Variants in ADGRG7 observed in about 807,000 individuals in gnomAD.
ADGRG7 encodes the protein adhesion G protein-coupled receptor G7, also known as G-protein coupled receptor 128.
In ADGRG7, 82 loss-of-function variants were observed where a neutral mutation model predicts 88.6. The observed-to-expected ratio is 0.93, with a 90% CI of 0.77 to 1.11. The LOEUF is 1.11. Ranked by LOEUF, ADGRG7 falls within the 50% of genes most tolerant of loss-of-function variation. The probability of loss-of-function intolerance (pLI) is 0.00; values close to 1 mark genes in which losing one functional copy is unlikely to be tolerated. For synonymous variants in ADGRG7, 381 were observed against 345.2 expected, an observed-to-expected ratio of 1.10 and a Z score of -1.15; for missense variants, 945 against 953.4, an observed-to-expected ratio of 0.99 and a Z score of 0.12.
At chr3:100,639,547 G>A (rs896809560) in intron 6 of ADGRG7, among the ~76,000 whole-genome samples, 1 of 152,194 alleles carries the variant, frequency 6.6e-6, no homozygotes, top group Admixed American at 6.5e-5. Context: ...GAATGTGGAT[G>A]TCTCTCATTT....
At chr3:100,632,055 T>C (rs1452412122) in intron 3 of ADGRG7, among the ~76,000 whole-genome samples, 2 of 152,138 alleles carry the variant, frequency 1.3e-5, no homozygotes, top group Admixed American at 6.6e-5. Context: ...TATTGGTAAC[T>C]ATTGTCTTGA....
chr3:100,677,193 C>A (rs960012976), intron 15 of ADGRG7, among the ~76,000 whole-genome samples: 2 of 152,006 alleles, frequency 1.3e-5, no homozygotes, highest in Admixed American at 6.6e-5. Flanking sequence ...ATGATTTTCT[C>A]TGGTGACATG....
At chr3:100,676,907 G>A (rs1474162746) in intron 15 of ADGRG7, among the ~76,000 whole-genome samples, 2 of 151,620 alleles carry the variant, frequency 1.3e-5, no homozygotes, top group African/African-American at 4.8e-5. Flanking sequence ...TTTTTTCTAA[G>A]TAGAGCTACT....
intron 1 of ADGRG7, among the ~76,000 whole-genome samples, chr3:100,614,568 T>C (rs1707198753): frequency 1.3e-5 from 2 of 152,188 alleles, no homozygotes; most frequent in African/African-American, 4.8e-5. Context: ...TGTCCTCTCA[T>C]TTAAGAGTTA....
chr3:100,617,468 T>G (rs1392414847), intron 1 of ADGRG7, among the ~76,000 whole-genome samples: 1 of 150,396 alleles, frequency 6.6e-6, no homozygotes, highest in Non-Finnish European at 1.5e-5. Context: ...GAACATGCGG[T>G]GCTTGGTTTT....
chr3:100,650,741 A>G (rs1204416610), intron 11 of ADGRG7, among the ~76,000 whole-genome samples: 1 of 152,044 alleles, frequency 6.6e-6, no homozygotes, highest in East Asian at 1.9e-4. Context: ...ATAATAGATG[A>G]CTCGTGGGGT....
At chr3:100,648,269 A>C (rs1707789849) in intron 10 of ADGRG7, among the ~76,000 whole-genome samples, 1 of 152,034 alleles carries the variant, frequency 6.6e-6, no homozygotes, top group African/African-American at 2.4e-5. Context: ...ATTTGTAATT[A>C]GTTTTGGTTT....
At chr3:100,619,484 C>T (rs2149012620) in intron 1 of ADGRG7, among the ~76,000 whole-genome samples, 1 of 152,176 alleles carries the variant, frequency 6.6e-6, no homozygotes, top group Admixed American at 6.5e-5. Context: ...ACCCTAACAT[C>T]ACAATTAAAA....
chr3:100,674,804 C>T (rs992522998), intron 15 of ADGRG7, among the ~76,000 whole-genome samples: 1 of 152,180 alleles, frequency 6.6e-6, no homozygotes, highest in African/African-American at 2.4e-5. Context: ...GTATCGATCT[C>T]CTGACCTCGT....
chr3:100,682,769 C>G (rs1403208872), intron 15 of ADGRG7, among the ~76,000 whole-genome samples: 2 of 152,228 alleles, frequency 1.3e-5, no homozygotes, highest in Non-Finnish European at 2.9e-5. Context: ...ACACACTCCA[C>G]TGAGCCAGCG....
intron 11 of ADGRG7, among the ~76,000 whole-genome samples, chr3:100,650,326 G>A (rs2094927121): frequency 6.6e-6 from 1 of 151,998 alleles, no homozygotes; most frequent in Non-Finnish European, 1.5e-5. Context: ...CTTCATTTGA[G>A]GTCCAATTTT....
In ADGRG7 at chr3:100,633,385, A is replaced by G. The variant is rs757772091; in HGVS notation, c.447+8A>G. The G allele has an allele frequency of 7.7e-5, 116 of 1,508,628 alleles. No homozygotes were observed. The highest frequency in any genetic ancestry group is 1.0e-4 in the Non-Finnish European group (112 of 1,107,714). 93.5% of individuals were successfully genotyped at this position (1,508,628 alleles called of 1,614,324 possible). A position where few individuals can be genotyped will look rare whatever the true frequency, so the allele number is the denominator to read the frequency against. On this transcript the variant is annotated splice_region_variant and intron_variant, in intron 4 of 15. Transcript: ENST00000273352. ...GAAACCCTGGAAAAGCAGGTATGCCATATGACTCACTGATGGGCAACTGGA... is the reference window on the plus strand; with the variant it reads ...GAAACCCTGGAAAAGCAGGTATGCCGTATGACTCACTGATGGGCAACTGGA...
intron 1 of ADGRG7, among the ~76,000 whole-genome samples, chr3:100,618,473 A>G (rs1048009384): frequency 1.3e-5 from 2 of 152,196 alleles, no homozygotes; most frequent in Non-Finnish European, 2.9e-5. Flanking sequence ...TTAAATAGGG[A>G]ATCATTTTCC....
chr3:100,626,649 G>A (rs573838180), intron 1 of ADGRG7, among the ~76,000 whole-genome samples: 33 of 152,244 alleles, frequency 2.2e-4, no homozygotes, highest in African/African-American at 7.2e-4. Context: ...GCTGGGCATG[G>A]TGGCATGTGC....
chr3:100,656,868 G>C (rs1255989237), intron 13 of ADGRG7, among the ~76,000 whole-genome samples: 1 of 152,148 alleles, frequency 6.6e-6, no homozygotes, highest in Non-Finnish European at 1.5e-5. Context: ...CATGCTCCCA[G>C]ATACTACGTT....
rs774919483 is a variant in ADGRG7 at position 100,655,223 on chromosome 3, T to C, written c.1726+42T>C. 10 of 1,409,472 alleles carry C rather than the reference T, an allele frequency of 7.1e-6. No individual in the cohort carries two copies. The African/African-American group carries it at 1.0e-4, about 14-fold the overall frequency. 87.3% of individuals were successfully genotyped at this position (1,409,472 alleles called of 1,614,324 possible). ...CCCCTTTCTCAGGAATTTAATTTTG[T>C]GGAAATCATTTAATTTAAACACTTA... is the stretch of plus-strand genomic sequence containing the variant. On this transcript the variant is annotated intron_variant, in intron 12 of 15. Coordinates refer to ENST00000273352, the MANE Select transcript of ADGRG7 (RefSeq NM_032787.3).
chr3:100,683,271 T>C (rs1375946534), intron 15 of ADGRG7, among the ~76,000 whole-genome samples: 2 of 152,020 alleles, frequency 1.3e-5, no homozygotes, highest in Non-Finnish European at 2.9e-5. Context: ...GGCTGAAACA[T>C]GCCCTTTGTT....
Position 100,641,427 on chromosome 3 carries a change from G to A in ADGRG7, c.699-1839G>A, listed in dbSNP as rs116503009. Among the ~76,000 whole-genome samples the A allele has an allele frequency of 4.8e-3, 733 of 151,852 alleles. 9 individuals are homozygous for A. Among genetic ancestry groups the A allele is most frequent in the African/African-American group, 0.017 (691 of 41,388 alleles). ...AAGGTGTAACAATTACACTGAAGAC[G>A]TAACAATCATGAGCTAAATGGTCTG... On this transcript the variant is annotated intron_variant, in intron 6 of 15. Transcript: ENST00000273352.
chr3:100,638,144 C>T (rs181240270), intron 6 of ADGRG7, among the ~76,000 whole-genome samples: 155 of 152,352 alleles, frequency 1.0e-3, no homozygotes, highest in Non-Finnish European at 2.9e-4. Flanking sequence ...GGGTGGCTGC[C>T]CTCCACCAGT....
Sources: allele counts gnomAD v4.1 joint callset (sites outside exome capture counted in the v4.1 genomes callset), GRCh38; gene constraint gnomAD v4.1.1; transcripts MANE v1.5; gene names NCBI Gene and HGNC (gene_info 2026-07-23, HGNC 2026-07-21).